The following KIRREL3 variants were observed in gnomAD, a reference collection of about 807,000 sequenced individuals.
KIRREL3 encodes the protein kin of IRRE-like protein 3.
In KIRREL3, 36 loss-of-function variants were observed where a neutral mutation model predicts 89.7. The observed-to-expected ratio is 0.40, with a 90% CI of 0.31 to 0.53. KIRREL3 has a LOEUF of 0.53. Among genes scored for constraint, KIRREL3 ranks in the 20% least tolerant of loss-of-function variants. The pLI is 0.49. For synonymous variants in KIRREL3, 445 were observed against 441.4 expected, an observed-to-expected ratio of 1.01 and a Z score of -0.10; for missense variants, 864 against 1,056.6, an observed-to-expected ratio of 0.82 and a Z score of 2.53.
intron 1 of KIRREL3, among the ~76,000 whole-genome samples, chr11:126,873,279 T>C (rs750652710): frequency 6.6e-6 from 1 of 152,342 alleles, no homozygotes; most frequent in South Asian, 2.1e-4. Context: ...TTTACTTTAA[T>C]GTGATGCAAA....
At chr11:126,450,359 G>A (rs1026784751) in intron 7 of KIRREL3, among the ~76,000 whole-genome samples, 1 of 151,026 alleles carries the variant, frequency 6.6e-6, no homozygotes, top group African/African-American at 2.4e-5. Flanking sequence ...CCATGTGCAT[G>A]TGTGCATGTG....
chr11:126,755,348 G>A lies in KIRREL3; in HGVS notation c.56-192436C>T, dbSNP rs1949457157. Among the ~76,000 whole-genome samples the A allele has an allele frequency of 1.3e-5, 2 of 152,104 alleles. No homozygotes were observed. The highest frequency in any genetic ancestry group is 2.9e-5 in the Non-Finnish European group (2 of 68,032). On this transcript the variant is annotated intron_variant, in intron 1 of 16. Transcript: ENST00000525144. This position sits in a 1 kb window ranked among gnomAD's most constrained non-coding sequence, Gnocchi z 4.3. ...ATTATAATTTTAGCCATGAAGTCCT[G>A]AAGTGCAGGTAATCGTGTTTAAAAA...
chr11:126,503,067 A>G (rs1241962008), intron 4 of KIRREL3, among the ~76,000 whole-genome samples: 2 of 152,172 alleles, frequency 1.3e-5, no homozygotes, highest in Admixed American at 6.5e-5. Flanking sequence ...CCTCCCCTTG[A>G]TTATTTTTCC....
At chr11:126,648,429 A>C (rs563481799) in intron 1 of KIRREL3, among the ~76,000 whole-genome samples, 3 of 152,166 alleles carry the variant, frequency 2.0e-5, no homozygotes, top group South Asian at 4.2e-4. Context: ...CTGCTTCAAG[A>C]CATTGCTCGG....
At chr11:126,534,167 G>A (rs1487152710) in intron 2 of KIRREL3, among the ~76,000 whole-genome samples, 1 of 151,862 alleles carries the variant, frequency 6.6e-6, no homozygotes, top group Admixed American at 6.6e-5. Context: ...GTGAGCTCAG[G>A]TGTTGGAAGC....
At chr11:126,688,907 G>T (rs1946768139) in intron 1 of KIRREL3, among the ~76,000 whole-genome samples, 1 of 152,122 alleles carries the variant, frequency 6.6e-6, no homozygotes, top group African/African-American at 2.4e-5. Flanking sequence ...ATGGGAAGAT[G>T]ATGAGGGAGG....
chr11:126,499,393 A>G (rs1006401304), intron 4 of KIRREL3, among the ~76,000 whole-genome samples: 1 of 151,992 alleles, frequency 6.6e-6, no homozygotes, highest in Non-Finnish European at 1.5e-5. Flanking sequence ...ACAGGACCTA[A>G]CTACCCAACA....
At position 126,562,703 on chromosome 11, in the gene KIRREL3, C is replaced by A. The variant is rs1286341440; in HGVS notation, c.133+132G>T. On this transcript the variant is annotated intron_variant, in intron 2 of 16. Coordinates refer to ENST00000525144, the MANE Select transcript of KIRREL3 (RefSeq NM_032531.4). This position sits in a 1 kb window ranked among gnomAD's most constrained non-coding sequence, Gnocchi z 4.7. ...ATTGTACAAATGGCTTCATGGAAAC[C>A]AAACTGGTCTTCCCACTGTCCCCTT... 3.1e-6 allele frequency: 2 copies of A among 643,766 alleles called. No individual in the cohort carries two copies. The highest frequency in any genetic ancestry group is 2.7e-6 in the Non-Finnish European group (1 of 377,112). 39.9% of individuals were successfully genotyped at this position (643,766 alleles called of 1,614,324 possible).
intron 1 of KIRREL3, among the ~76,000 whole-genome samples, chr11:126,889,482 T>A (rs1386691346): frequency 6.6e-6 from 1 of 152,138 alleles, no homozygotes; most frequent in Non-Finnish European, 1.5e-5. Flanking sequence ...AATGATTTTT[T>A]AAAAATTGTT....
Position 126,830,913 on chromosome 11 carries a change from CG to C in KIRREL3, c.55+169541del. 6.6e-6 allele frequency among the ~76,000 whole-genome samples: 1 copy of C among 152,210 alleles called. No individual in the cohort carries two copies. Among genetic ancestry groups the C allele is most frequent in the South Asian group, 2.1e-4 (1 of 4,822 alleles). On this transcript the variant is annotated intron_variant, in intron 1 of 16. Coordinates refer to ENST00000525144, the MANE Select transcript of KIRREL3 (RefSeq NM_032531.4). This position sits in a 1 kb window ranked among gnomAD's most constrained non-coding sequence, Gnocchi z 4.9. ...GATGTTGCTTTATGGGCAAGGGGTA[CG>C]GCCACATATGCCTTCATTGATGTGA...
At chr11:126,482,792 G>GC (rs1171288750) in intron 4 of KIRREL3, among the ~76,000 whole-genome samples, 16 of 152,142 alleles carry the variant, frequency 1.1e-4, no homozygotes, top group Admixed American at 8.5e-4. Context: ...CTCCCTCTGG[G>GC]CCCCCCCACA....
intron 1 of KIRREL3, among the ~76,000 whole-genome samples, chr11:126,743,940 A>C (rs190815266): frequency 1.6e-3 from 244 of 152,316 alleles, no homozygotes; most frequent in Non-Finnish European, 2.5e-3. Flanking sequence ...TCTCAGAAGA[A>C]ATTTAGTGAT....
At chr11:126,864,567 C>T (rs112092630) in intron 1 of KIRREL3, among the ~76,000 whole-genome samples, 16 of 152,124 alleles carry the variant, frequency 1.1e-4, no homozygotes, top group African/African-American at 3.9e-4. Flanking sequence ...CTGAACTGGT[C>T]TTGGGTAGTC....
At chr11:126,899,270 A>C (rs1232965404) in intron 1 of KIRREL3, among the ~76,000 whole-genome samples, 1 of 152,202 alleles carries the variant, frequency 6.6e-6, no homozygotes, top group Non-Finnish European at 1.5e-5. Flanking sequence ...GCCTGCCTGA[A>C]TGCTTTATAG....
At chr11:126,820,613 T>G (rs1164756137) in intron 1 of KIRREL3, among the ~76,000 whole-genome samples, 1 of 151,618 alleles carries the variant, frequency 6.6e-6, no homozygotes, top group African/African-American at 2.4e-5. Context: ...AGCAGGCAAG[T>G]TGTAGGGTGT....
rs950699898 is a variant in KIRREL3, at chr11:126,739,920, T to G, written c.56-177008A>C. ...TTGATCAGTTTGACGGGTTTAGTAT[T>G]ATAGAAATATTTCATTGTTTCAGCA... On this transcript the variant is annotated intron_variant, in intron 1 of 16. Transcript: ENST00000525144. This position sits in a 1 kb window ranked among gnomAD's most constrained non-coding sequence, Gnocchi z 5.5. 1.3e-5 allele frequency among the ~76,000 whole-genome samples: 2 copies of G among 152,176 alleles called. No individual in the cohort carries two copies. Among genetic ancestry groups the G allele is most frequent in the Non-Finnish European group, 2.9e-5 (2 of 68,034 alleles).
In KIRREL3 at chr11:126,737,981, A is replaced by G. The variant is rs543710702; in HGVS notation, c.56-175069T>C. Among the ~76,000 whole-genome samples the G allele has an allele frequency of 1.0e-3, 155 of 152,202 alleles. 2 individuals carry two copies. In the South Asian group the frequency reaches 0.029, roughly 28 times the overall value. On this transcript the variant is annotated intron_variant, in intron 1 of 16. Transcript: ENST00000525144. ...AGATCTTATTCTTCTATTTAACTGT[A>G]TTTTTGTCCTTCCTCATTAACCATC...
At chr11:126,625,950 A>G (rs766354558) in intron 1 of KIRREL3, among the ~76,000 whole-genome samples, 4 of 152,166 alleles carry the variant, frequency 2.6e-5, no homozygotes, top group Non-Finnish European at 5.9e-5. Flanking sequence ...ATCTTCCTGC[A>G]TTGGAATTTG....
intron 1 of KIRREL3, among the ~76,000 whole-genome samples, chr11:126,824,396 C>T (rs1343820708): frequency 6.6e-6 from 1 of 152,146 alleles, no homozygotes; most frequent in Non-Finnish European, 1.5e-5. Context: ...GTATTATTTA[C>T]CTAAGATTTG....
Sources: allele counts gnomAD v4.1 joint callset (sites outside exome capture counted in the v4.1 genomes callset), GRCh38; gene constraint gnomAD v4.1.1; non-coding constraint Gnocchi (gnomAD v3.1); transcripts MANE v1.5; gene names NCBI Gene and HGNC (gene_info 2026-07-23, HGNC 2026-07-21).